CELSR1: variants seen among roughly 807,000 people sequenced by gnomAD.
CELSR1 encodes the protein cadherin EGF LAG seven-pass G-type receptor 1.
A neutral mutation model predicts 249.1 loss-of-function variants in CELSR1; 110 were observed. That is an observed-to-expected ratio of 0.44 (90% CI 0.38 to 0.52). The LOEUF (loss-of-function observed/expected upper bound fraction) is 0.52, where lower values mean the gene tolerates loss of function less well. Ranked by LOEUF, CELSR1 falls within the 20% of genes least tolerant of loss-of-function variation. The pLI is 0.00. For synonymous variants in CELSR1, 2,113 were observed against 1,900.0 expected, an observed-to-expected ratio of 1.11 and a Z score of -2.92; for missense variants, 4,109 against 4,296.4, an observed-to-expected ratio of 0.96 and a Z score of 1.22.
In CELSR1 at chr22:46,534,677, C is replaced by A. The variant is rs767657580; in HGVS notation, c.2494G>T (p.Val832Leu). ...ARITYVIQDPVPQFRIDPDSG... is the reference protein window; with the variant it reads ...ARITYVIQDPLPQFRIDPDSG... ...TCGGGGTCAATGCGGAACTGCGGCA[C>A]GGGGTCCTGAATCACGTAGGTGATG... is the stretch of plus-strand genomic sequence containing the variant. Residue 832 changes from valine (V) to leucine (L), a missense_variant, in exon 1 of 35, where the codon GTG becomes TTG. By Grantham distance (32) the Val-to-Leu change is conservative (BLOSUM62 1). Coordinates refer to ENST00000674500, the MANE Select transcript of CELSR1 (RefSeq NM_001378328.1). This position sits in a 1 kb window ranked among gnomAD's most constrained non-coding sequence, Gnocchi z 9.7. The A allele has an allele frequency of 6.2e-7, 1 of 1,613,668 alleles. No individual in the cohort carries two copies. The highest frequency in any genetic ancestry group is 8.5e-7 in the Non-Finnish European group (1 of 1,180,026).
chr22:46,415,916 C>T (rs2079394624), intron 5 of CELSR1, among the ~76,000 whole-genome samples: 1 of 152,184 alleles, frequency 6.6e-6, no homozygotes, highest in African/African-American at 2.4e-5. Context: ...CCATTTTTGT[C>T]AAAGGAAGAC....
chr22:46,477,012 A>T (rs1269425400), intron 1 of CELSR1, among the ~76,000 whole-genome samples: 1 of 152,230 alleles, frequency 6.6e-6, no homozygotes, highest in Non-Finnish European at 1.5e-5. Flanking sequence ...GTGACATTGT[A>T]CAAAAGGAGA....
rs372032509 is a variant in CELSR1, at chr22:46,386,571, C to G, written c.6570G>C (p.Ser2190=). The G allele has an allele frequency of 5.6e-6, 9 of 1,594,696 alleles. No individual in the cohort carries two copies. In the East Asian group the frequency reaches 1.6e-4, roughly 28 times the overall value. The change falls in exon 19 of 35, where the codon TCG becomes TCC. Residue 2190 remains serine (S), a synonymous_variant. Coordinates refer to ENST00000674500, the MANE Select transcript of CELSR1 (RefSeq NM_001378328.1). The stretch of plus-strand genomic sequence containing the variant: ...TGGCTGGGGCCAGGAGGGCGCTGCC[C>G]GAGTGGATGACGTCCTGGTCAGACA... The part of the protein sequence containing the change: ...DADFHEDVIH[S]GSALLAPATR...
intron 27 of CELSR1, among the ~76,000 whole-genome samples, 185 bp from the exon 28 acceptor site, chr22:46,368,040 C>T (rs1232688345): frequency 2.0e-5 from 3 of 152,304 alleles, no homozygotes; most frequent in South Asian, 2.1e-4. Context: ...CGGACTCATC[C>T]GGGAACCAGA....
intron 9 of CELSR1, among the ~76,000 whole-genome samples, chr22:46,400,677 C>T (rs1029579982): frequency 2.0e-5 from 3 of 152,042 alleles, no homozygotes; most frequent in African/African-American, 7.2e-5. Context: ...GTTGGCTGGG[C>T]GTGGTGGCTC....
Position 46,408,575 on chromosome 22 carries a change from T to C in CELSR1, c.5226+421A>G, listed in dbSNP as rs2147321438. On this transcript the variant is annotated intron_variant, in intron 9 of 34. Transcript: ENST00000674500. This position sits in a 1 kb window ranked among gnomAD's most constrained non-coding sequence, Gnocchi z 4.6. ...GTCTCGAACTTCTGACCTCAGGTGA[T>C]CCGCCGGCCTCCGCCACCCAAAGTG... is the stretch of plus-strand genomic sequence containing the variant. 6.6e-6 allele frequency among the ~76,000 whole-genome samples: 1 copy of C among 152,288 alleles called. No individual in the cohort carries two copies. The highest frequency in any genetic ancestry group is 1.9e-4 in the East Asian group (1 of 5,184).
Position 46,410,244 on chromosome 22 carries a change from G to A in CELSR1, c.4933+154C>T, listed in dbSNP as rs1199838097. ...GATGCACATCTCCAGCCTGGACTCCGGGTTCCATCCCAGGAGCTGCCCACC... is the reference window on the plus strand; with the variant it reads ...GATGCACATCTCCAGCCTGGACTCCAGGTTCCATCCCAGGAGCTGCCCACC... On this transcript the variant is annotated intron_variant, in intron 7 of 34. Coordinates refer to ENST00000674500, the MANE Select transcript of CELSR1 (RefSeq NM_001378328.1). This position sits in a 1 kb window ranked among gnomAD's most constrained non-coding sequence, Gnocchi z 6.8. 6.6e-6 allele frequency among the ~76,000 whole-genome samples: 1 copy of A among 152,190 alleles called. No individual in the cohort carries two copies. Among genetic ancestry groups the A allele is most frequent in the Non-Finnish European group, 1.5e-5 (1 of 68,032 alleles).
chr22:46,436,111 GT>G lies in CELSR1; in HGVS notation c.4522+62del. 1 of 1,377,076 alleles carries G rather than the reference GT, an allele frequency of 7.3e-7. No individual in the cohort carries two copies. The allele number at this position is 1,377,076 out of a possible 1,614,324, so 85.3% of individuals were successfully genotyped here. On this transcript the variant is annotated intron_variant, in intron 4 of 34. Coordinates refer to ENST00000674500, the MANE Select transcript of CELSR1 (RefSeq NM_001378328.1). This position sits in a 1 kb window ranked among gnomAD's most constrained non-coding sequence, Gnocchi z 5.9. ...GGAGGCGCTGCACAGGGCGAGGGTC[GT>G]TTTAACCCACAAAGTATCTGTGAAT...
rs28495011 is a variant in CELSR1 at position 46,364,070 on chromosome 22, C to T, written c.8961G>A (p.Pro2987=). ...AITVKSPGRE[P]GRDHLNGVAM... Reference sequence around the variant, plus strand: ...CCACCCCGTTGAGGTGGTCACGCCCCGGCTCCCTCCCAGGGCTCTTGACTG... The same window carrying T: ...CCACCCCGTTGAGGTGGTCACGCCCTGGCTCCCTCCCAGGGCTCTTGACTG... Residue 2987 remains proline, a synonymous_variant, in exon 34 of 35, where the codon CCG becomes CCA. Transcript: ENST00000674500. The T allele has an allele frequency of 5.7e-3, 9,256 of 1,612,320 alleles. 405 individuals carry two copies. The African/African-American group carries it at 0.1, about 18-fold the overall frequency.
At position 46,369,163 on chromosome 22, in the gene CELSR1, G is replaced by T. The variant is rs377750556; in HGVS notation, c.7952+16C>A. ...CCAGCCGACATGGCTGGCCGGTCAG[G>T]TTCAGCCCCACTTACACGATCCCTT... On this transcript the variant is annotated intron_variant, in intron 27 of 34. Transcript: ENST00000674500. The T allele has an allele frequency of 1.4e-5, 22 of 1,613,262 alleles. No individual in the cohort carries two copies. The highest frequency in any genetic ancestry group is 1.7e-5 in the Non-Finnish European group (20 of 1,179,400).
intron 25 of CELSR1, chr22:46,370,226 G>A (rs751594073): frequency 1.1e-5 from 5 of 443,078 alleles, no homozygotes; most frequent in South Asian, 1.6e-5. Context: ...AACAGATGGA[G>A]GACGGCGTCA....
intron 2 of CELSR1, among the ~76,000 whole-genome samples, chr22:46,460,069 G>A (rs761479988): frequency 6.6e-6 from 1 of 152,102 alleles, no homozygotes; most frequent in African/African-American, 2.4e-5. Context: ...TTAGCCGGGC[G>A]TGGTGATGCA....
In CELSR1 at chr22:46,391,954, C is replaced by A. The variant is rs879028678; in HGVS notation, c.5965-138G>T. On this transcript the variant is annotated intron_variant, in intron 14 of 34. Transcript: ENST00000674500. This position sits in a 1 kb window ranked among gnomAD's most constrained non-coding sequence, Gnocchi z 4.3. ...CCAGCCATCCCACCCCTCATGGCTA[C>A]CCTCTGCCCACATCCCACACCCAAC... 1.7e-5 allele frequency: 15 copies of A among 907,540 alleles called. No individual in the cohort carries two copies. The highest frequency in any genetic ancestry group is 1.4e-4 in the South Asian group (8 of 56,294). The allele number at this position is 907,540 out of a possible 1,614,324, so 56.2% of individuals were successfully genotyped here. A position where few individuals can be genotyped will look rare whatever the true frequency, so the allele number is the denominator to read the frequency against.
At chr22:46,519,872 C>CTT (rs369906485) in intron 1 of CELSR1, among the ~76,000 whole-genome samples, 34,339 of 138,682 alleles carry the variant, frequency 0.25, 5,096 homozygotes, top group African/African-American at 0.4. Flanking sequence ...ACCCCTATTG[C>CTT]TTTTTTTTTT....
rs1206605226 is a variant in CELSR1 at position 46,527,996 on chromosome 22, G to A, written c.3544+5631C>T. Among the ~76,000 whole-genome samples the A allele has an allele frequency of 2.0e-5, 3 of 151,774 alleles. No individual in the cohort carries two copies. The highest frequency in any genetic ancestry group is 2.9e-5 in the Non-Finnish European group (2 of 67,966). ...TATAATCCCAGCTACTTGGGAAGCT[G>A]AGGCAGCTGAGGCAGGAGAATCACT... On this transcript the variant is annotated intron_variant, in intron 1 of 34. Transcript: ENST00000674500. The surrounding 1 kb of genome is among the most constrained non-coding windows in gnomAD (Gnocchi z 5.5).
Position 46,533,665 on chromosome 22 carries a change from T to G in CELSR1, c.3506A>C (p.Asn1169Thr). The change falls in exon 1 of 35, where the codon AAC (asparagine) becomes ACC (threonine). Residue 1169 changes from asparagine to threonine, a missense_variant. By Grantham distance (65) the Asn-to-Thr change is moderately conservative. This residue lies in a region of CELSR1 where 886 missense variants were observed against 896.5 expected (regional missense o/e 0.99). Coordinates refer to ENST00000674500, the MANE Select transcript of CELSR1 (RefSeq NM_001378328.1). ...ELQLSRDLDN[N>T]RPLEALMEVS... Reference sequence around the variant, plus strand: ...CTCCATGAGCGCCTCCAGCGGCCGGTTGTTGTCCAGGTCGCGGCTGAGCTG... The same window carrying G: ...CTCCATGAGCGCCTCCAGCGGCCGGGTGTTGTCCAGGTCGCGGCTGAGCTG... The G allele has an allele frequency of 6.2e-7, 1 of 1,602,202 alleles. No individual in the cohort carries two copies.
Position 46,380,689 on chromosome 22 carries a change from G to T in CELSR1, c.7256+99C>A. 1 of 1,389,716 alleles carries T rather than the reference G, an allele frequency of 7.2e-7. No individual in the cohort carries two copies. The highest frequency in any genetic ancestry group is 9.9e-7 in the Non-Finnish European group (1 of 1,014,694). 86.1% of individuals were successfully genotyped at this position (1,389,716 alleles called of 1,614,324 possible). A position where few individuals can be genotyped will look rare whatever the true frequency, so the allele number is the denominator to read the frequency against. On this transcript the variant is annotated intron_variant, in intron 22 of 34. Transcript: ENST00000674500. This position sits in a 1 kb window ranked among gnomAD's most constrained non-coding sequence, Gnocchi z 5.1. ...TAAAGGGGAAACACAGACCACAAGA[G>T]ACCGTCCTCTTGGGGCGCTCTGCCA...
Position 46,411,495 on chromosome 22 carries a change from G to C in CELSR1, c.4769+107C>G. ...ACTCTAGCCTGGAATGAGGTCGCCA[G>C]GGCACTGCACCCAGAGTGCCTACGT... On this transcript the variant is annotated intron_variant, in intron 6 of 34. Transcript: ENST00000674500. This position sits in a 1 kb window ranked among gnomAD's most constrained non-coding sequence, Gnocchi z 4.2. 1 of 1,319,148 alleles carries C rather than the reference G, an allele frequency of 7.6e-7. No individual in the cohort carries two copies. Among genetic ancestry groups the C allele is most frequent in the Non-Finnish European group, 1.0e-6 (1 of 963,130 alleles). The allele number at this position is 1,319,148 out of a possible 1,614,324, so 81.7% of individuals were successfully genotyped here. A position where few individuals can be genotyped will look rare whatever the true frequency, so the allele number is the denominator to read the frequency against.
intron 31 of CELSR1, 49 bp downstream of exon 31, chr22:46,365,537 A>G (rs1445860816): frequency 1.9e-6 from 3 of 1,546,364 alleles, no homozygotes; most frequent in Non-Finnish European, 2.6e-6. Flanking sequence ...GACCGAAGGG[A>G]CGTGGGAAAA....
Sources: allele counts gnomAD v4.1 joint callset (sites outside exome capture counted in the v4.1 genomes callset), GRCh38; gene constraint gnomAD v4.1.1; regional missense constraint gnomAD v4.1.1; non-coding constraint Gnocchi (gnomAD v3.1); transcripts MANE v1.5; gene names NCBI Gene and HGNC (gene_info 2026-07-23, HGNC 2026-07-21).